LGR6: variants seen among roughly 807,000 people sequenced by gnomAD.
LGR6 encodes the protein leucine-rich repeat-containing G protein-coupled receptor 6.
In LGR6, 45 loss-of-function variants were observed where a neutral mutation model predicts 69.4. That is an observed-to-expected ratio of 0.65 (90% CI 0.51 to 0.83). LGR6 has a LOEUF of 0.83. Among genes scored for constraint, LGR6 ranks in the 40% least tolerant of loss-of-function variants. The pLI is 0.00. For synonymous variants in LGR6, 538 were observed against 555.0 expected (o/e 0.97, Z 0.43); for missense variants, 1,108 against 1,246.7 (o/e 0.89, Z 1.68).
intron 4 of LGR6, among the ~76,000 whole-genome samples, chr1:202,250,051 C>G (rs910580920): frequency 3.3e-5 from 5 of 152,258 alleles, no homozygotes; most frequent in African/African-American, 1.2e-4. Context: ...CCCTCCCACT[C>G]TATGCTGTAG....
At chr1:202,301,731 A>G (rs1667610370) in intron 9 of LGR6, among the ~76,000 whole-genome samples, 1 of 152,118 alleles carries the variant, frequency 6.6e-6, no homozygotes, top group Non-Finnish European at 1.5e-5. Flanking sequence ...AAAAGCTTCC[A>G]TGGGGCCAGG....
rs1665563576 is a variant in LGR6 at position 202,276,453 on chromosome 1, C to T, written c.576C>T (p.Thr192=). 1 of 1,614,216 alleles carries T rather than the reference C, an allele frequency of 6.2e-7. No homozygotes were observed. Among genetic ancestry groups the T allele is most frequent in the Non-Finnish European group, 8.5e-7 (1 of 1,180,026 alleles). Residue 192 remains threonine, a synonymous_variant, in exon 5 of 18, where the codon ACC becomes ACT. Coordinates refer to ENST00000367278, the MANE Select transcript of LGR6 (RefSeq NM_001017403.2). ...ACCTCCCTGCCCTGCAGGCCATGACCCTGGCCCTCAACCGCATCAGCCACA... is the reference window on the plus strand; with the variant it reads ...ACCTCCCTGCCCTGCAGGCCATGACTCTGGCCCTCAACCGCATCAGCCACA... ...LNNLPALQAM[T]LALNRISHIP...
intron 4 of LGR6, among the ~76,000 whole-genome samples, chr1:202,240,044 C>A (rs770160874): frequency 6.6e-6 from 1 of 151,994 alleles, no homozygotes; most frequent in African/African-American, 2.4e-5. Flanking sequence ...CAGGGTATAC[C>A]GTCAGCAAGA....
At chr1:202,269,142 G>A (rs1397369843) in intron 4 of LGR6, among the ~76,000 whole-genome samples, 1 of 152,108 alleles carries the variant, frequency 6.6e-6, no homozygotes, top group Admixed American at 6.6e-5. Context: ...CTGAGCTCAA[G>A]CAATCCTCCC....
At chr1:202,285,366 AG>A (rs1012936079) in intron 6 of LGR6, among the ~76,000 whole-genome samples, 1 of 152,194 alleles carries the variant, frequency 6.6e-6, no homozygotes, top group African/African-American at 2.4e-5. Flanking sequence ...CCCAGGGCTC[AG>A]GGTTCTTCCC....
chr1:202,208,928 G>T (rs1456423995), intron 1 of LGR6, among the ~76,000 whole-genome samples: 1 of 152,100 alleles, frequency 6.6e-6, no homozygotes, highest in Non-Finnish European at 1.5e-5. Context: ...AGTGTAGTAA[G>T]AGGGGAAGGC....
chr1:202,295,405 A>G (rs574657221), intron 6 of LGR6, among the ~76,000 whole-genome samples: 5 of 152,218 alleles, frequency 3.3e-5, no homozygotes, highest in Non-Finnish European at 7.4e-5. Context: ...TTCTCTTGCA[A>G]CAATGGAGAA....
rs143394771 is a variant in LGR6 at position 202,317,339 on chromosome 1, GT to G, written c.1649-603del. Among the ~76,000 whole-genome samples the G allele has an allele frequency of 9.0e-4, 116 of 128,180 alleles. 2 individuals carry two copies. In the South Asian group the frequency reaches 0.011, roughly 13 times the overall value. 84.1% of individuals were successfully genotyped at this position (128,180 alleles called of 152,430 possible). On this transcript the variant is annotated intron_variant, in intron 17 of 17. Coordinates refer to ENST00000367278, the MANE Select transcript of LGR6 (RefSeq NM_001017403.2). Reference sequence around the variant, plus strand: ...ATTTGTACCATGTGTGTGTTTTTTTGTTTTTTTTTTGTTTTTTTGGGGAGAG... The same window carrying G: ...ATTTGTACCATGTGTGTGTTTTTTTGTTTTTTTTTGTTTTTTTGGGGAGAG...
At chr1:202,260,373 G>A (rs750401407) in intron 4 of LGR6, among the ~76,000 whole-genome samples, 13 of 151,392 alleles carry the variant, frequency 8.6e-5, no homozygotes, top group African/African-American at 1.9e-4. Context: ...TCGCTCTGTC[G>A]CCCAGGCTGT....
At chr1:202,248,729 C>T (rs963215518) in intron 4 of LGR6, among the ~76,000 whole-genome samples, 4 of 152,200 alleles carry the variant, frequency 2.6e-5, no homozygotes, top group Non-Finnish European at 5.9e-5. Context: ...GCTGTCCCCT[C>T]GCAAAGCAAT....
chr1:202,287,598 C>T (rs548623758), intron 6 of LGR6, among the ~76,000 whole-genome samples: 5 of 152,294 alleles, frequency 3.3e-5, no homozygotes, highest in South Asian at 2.1e-4. Flanking sequence ...GACTAAACCC[C>T]GGAGTCTTTC....
intron 4 of LGR6, among the ~76,000 whole-genome samples, chr1:202,262,705 A>G (rs935475099): frequency 6.6e-6 from 1 of 152,094 alleles, no homozygotes; most frequent in Non-Finnish European, 1.5e-5. Flanking sequence ...GTTTCTATCT[A>G]TCTCATATTT....
chr1:202,249,376 A>G (rs1180491193), intron 4 of LGR6, among the ~76,000 whole-genome samples: 1 of 151,978 alleles, frequency 6.6e-6, no homozygotes, highest in African/African-American at 2.4e-5. Context: ...TCCCCTGCCC[A>G]TCCTATAAAT....
In LGR6 at chr1:202,304,599, A is replaced by T. The variant is rs770770268; in HGVS notation, c.1039A>T (p.Met347Leu). ...RAGIRLLPSG[M>L]CQQLPRLRVL... ...AGGCATCCGGCTGCTCCCATCGGGG[A>T]TGTGCCAACAGCTGCCCAGGCTCCG... The change falls in exon 11 of 18, where the codon ATG (methionine) becomes TTG (leucine). Residue 347 changes from methionine to leucine, a missense_variant. Transcript: ENST00000367278. 1.2e-6 allele frequency: 2 copies of T among 1,610,580 alleles called. No individual in the cohort carries two copies. The highest frequency in any genetic ancestry group is 2.7e-5 in the African/African-American group (2 of 74,816).
rs376069524 is a variant in LGR6 at position 202,230,925 on chromosome 1, G to A, written c.356+2918G>A. Among the ~76,000 whole-genome samples the A allele has an allele frequency of 3.2e-3, 491 of 152,314 alleles. 2 individuals carry two copies. Among genetic ancestry groups the A allele is most frequent in the Non-Finnish European group, 5.2e-3 (354 of 68,020 alleles). ...GTAACAGTCTGAGGACCTGCCTCCC[G>A]TCCTGCCCTCAAGAGACTGGGCAGG... On this transcript the variant is annotated intron_variant, in intron 3 of 17. Coordinates refer to ENST00000367278, the MANE Select transcript of LGR6 (RefSeq NM_001017403.2).
rs1399031573 is a variant in LGR6, at chr1:202,268,097, TTGG to T, written c.429-8205_429-8203del. ...AAGCTCATGAGCATCCGTGCCTGAG[TTGG>T]TGGAGTCTGTGGGTACAGATTCTGT... is the stretch of plus-strand genomic sequence containing the variant. On this transcript the variant is annotated intron_variant, in intron 4 of 17. Transcript: ENST00000367278. The surrounding 1 kb of genome is among the most constrained non-coding windows in gnomAD (Gnocchi z 4.4). Among the ~76,000 whole-genome samples the T allele has an allele frequency of 9.2e-5, 14 of 152,276 alleles. No homozygotes were observed. The highest frequency in any genetic ancestry group is 3.1e-4 in the African/African-American group (13 of 41,552).
intron 1 of LGR6, among the ~76,000 whole-genome samples, chr1:202,218,081 G>A (rs1218954444): frequency 6.6e-6 from 1 of 152,194 alleles, no homozygotes; most frequent in Non-Finnish European, 1.5e-5. Context: ...GGGAGGCTGT[G>A]CTAGAAACTA....
intron 4 of LGR6, among the ~76,000 whole-genome samples, chr1:202,256,824 A>G (rs1241427054): frequency 6.6e-6 from 1 of 152,134 alleles, no homozygotes; most frequent in Non-Finnish European, 1.5e-5. Context: ...ACCATTTTAT[A>G]TTTCTGCCAG....
chr1:202,288,431 C>T (rs1344605678), intron 6 of LGR6, among the ~76,000 whole-genome samples: 2 of 152,210 alleles, frequency 1.3e-5, no homozygotes, highest in African/African-American at 4.8e-5. Context: ...GTGCCAGGCA[C>T]AGGGAAGGTA....
Sources: gnomAD v4.1 joint callset for allele counts (sites outside exome capture counted in the v4.1 genomes callset) on GRCh38, gnomAD v4.1.1 for gene constraint, Gnocchi (gnomAD v3.1) non-coding constraint, MANE v1.5 for transcripts, NCBI Gene and HGNC (gene_info 2026-07-23, HGNC 2026-07-21) for gene names.